COMMD2: variants seen among roughly 807,000 people sequenced by gnomAD.
COMMD2 encodes the protein COMM domain containing 2.
A neutral mutation model predicts 22.5 loss-of-function variants in COMMD2; 25 were observed. The ratio of observed to expected loss-of-function variants is 1.11; its 90% CI spans 0.81 to 1.55. The LOEUF is 1.55. Ranked by LOEUF, COMMD2 falls within the 40% of genes most tolerant of loss-of-function variation. The probability of loss-of-function intolerance (pLI) is 0.00; values close to 1 mark genes in which losing one functional copy is unlikely to be tolerated. For missense variants in COMMD2, 223 were observed against 232.9 expected, an observed-to-expected ratio of 0.96 and a Z score of 0.28; for synonymous variants, 98 against 91.2, an observed-to-expected ratio of 1.07 and a Z score of -0.42.
intron 4 of COMMD2, among the ~76,000 whole-genome samples, chr3:149,748,310 C>T (rs1014795663): frequency 6.6e-6 from 1 of 152,152 alleles, no homozygotes; most frequent in African/African-American, 2.4e-5. Context: ...GATTGCTTCT[C>T]TTTTCTTAGT....
rs1716174199 is a variant in COMMD2 at position 149,740,244 on chromosome 3, G to A, written c.*1277C>T. The A allele has an allele frequency of 6.6e-6, 1 of 152,104 alleles. No homozygotes were observed. Among genetic ancestry groups the A allele is most frequent in the African/African-American group, 2.4e-5 (1 of 41,414 alleles). 9.4% of individuals were successfully genotyped at this position (152,104 alleles called of 1,614,324 possible). On this transcript the variant is annotated 3_prime_UTR_variant, in exon 5 of 5. Transcript: ENST00000473414. Reference sequence around the variant, plus strand: ...GACAAATCAGCACCTGAGTTTTTCAGACCAAAAGCTTTTGGTTCCCTACTA... The same window carrying A: ...GACAAATCAGCACCTGAGTTTTTCAAACCAAAAGCTTTTGGTTCCCTACTA...
intron 4 of COMMD2, among the ~76,000 whole-genome samples, chr3:149,744,124 C>T (rs1310055537): frequency 1.3e-5 from 2 of 152,000 alleles, no homozygotes; most frequent in East Asian, 3.9e-4. Flanking sequence ...GGATGAGATT[C>T]TGTCCTCCTC....
At chr3:149,751,317 A>T in intron 3 of COMMD2, 86 bp downstream of exon 3, 1 of 1,583,860 alleles carries the variant, frequency 6.3e-7, no homozygotes, top group Non-Finnish European at 8.6e-7. Flanking sequence ...TAAAACACAC[A>T]GGTACCTGCC....
intron 4 of COMMD2, among the ~76,000 whole-genome samples, chr3:149,742,920 C>T (rs1224264976): frequency 6.8e-6 from 1 of 148,030 alleles, no homozygotes; most frequent in East Asian, 2.0e-4. Flanking sequence ...GAGCCAAGAT[C>T]GTGCCATTGC....
Position 149,740,280 on chromosome 3 carries a change from C to G in COMMD2, c.*1241G>C, listed in dbSNP as rs1015877824. ...TTTGGTTCCCTACTAAAAAATAAAA[C>G]AAAACATAAATCAAGTTATGTTTTG... On this transcript the variant is annotated 3_prime_UTR_variant, in exon 5 of 5. Coordinates refer to ENST00000473414, the MANE Select transcript of COMMD2 (RefSeq NM_016094.4). The G allele has an allele frequency of 1.3e-5, 2 of 152,116 alleles. No individual in the cohort carries two copies. Among genetic ancestry groups the G allele is most frequent in the Admixed American group, 1.3e-4 (2 of 15,274 alleles). 9.4% of individuals were successfully genotyped at this position (152,116 alleles called of 1,614,324 possible).
At chr3:149,746,913 C>T (rs926683470) in intron 4 of COMMD2, among the ~76,000 whole-genome samples, 9 of 152,168 alleles carry the variant, frequency 5.9e-5, no homozygotes, top group African/African-American at 1.9e-4. Context: ...AGAGAATGAA[C>T]GCCAGATGAA....
At chr3:149,745,880 G>C (rs1468729668) in intron 4 of COMMD2, among the ~76,000 whole-genome samples, 1 of 152,076 alleles carries the variant, frequency 6.6e-6, no homozygotes, top group Non-Finnish European at 1.5e-5. Flanking sequence ...CTTAAATGTT[G>C]CTCTTACTTT....
At position 149,752,402 on chromosome 3, in the gene COMMD2, A is replaced by C; in HGVS notation, c.43T>G (p.Phe15Val). Reference protein sequence around the residue: ...LSEEHKEHLAFLPQVDSAVVA... With the variant: ...LSEEHKEHLAVLPQVDSAVVA... ...CCCGCGCTGTCCACTTGAGGCAGGA[A>C]GGCCAGGTGTTCCTTATGCTCCTCG... is the stretch of plus-strand genomic sequence containing the variant. The change falls in exon 1 of 5, where the codon TTC becomes GTC. Residue 15 changes from phenylalanine (F) to valine (V), a missense_variant. By Grantham distance (50) the Phe-to-Val change is conservative. Transcript: ENST00000473414. 2 of 1,614,158 alleles carry C rather than the reference A, an allele frequency of 1.2e-6. No individual in the cohort carries two copies. The highest frequency in any genetic ancestry group is 1.7e-6 in the Non-Finnish European group (2 of 1,180,004).
chr3:149,743,277 C>T (rs1222428400), intron 4 of COMMD2, among the ~76,000 whole-genome samples: 2 of 152,146 alleles, frequency 1.3e-5, no homozygotes, highest in East Asian at 1.9e-4. Context: ...TCCTTTCAAT[C>T]TTTAGATTCT....
intron 4 of COMMD2, among the ~76,000 whole-genome samples, chr3:149,746,320 G>T (rs1248761347): frequency 6.6e-6 from 1 of 152,144 alleles, no homozygotes; most frequent in African/African-American, 2.4e-5. Context: ...GCAAGGAGAG[G>T]AGTCAAGGAA....
At chr3:149,743,249 CAA>C (rs1369283940) in intron 4 of COMMD2, among the ~76,000 whole-genome samples, 1 of 151,982 alleles carries the variant, frequency 6.6e-6, no homozygotes, top group Non-Finnish European at 1.5e-5. Context: ...AAACTATAAA[CAA>C]TGACCAACTT....
At chr3:149,748,355 G>A (rs1032372159) in intron 4 of COMMD2, among the ~76,000 whole-genome samples, 13 of 152,200 alleles carry the variant, frequency 8.5e-5, no homozygotes, top group African/African-American at 3.1e-4. Flanking sequence ...TAAGCATGTG[G>A]AGCATAGAGA....
At chr3:149,751,273 C>T in intron 3 of COMMD2, 130 bp downstream of exon 3, 1 of 1,429,774 alleles carries the variant, frequency 7.0e-7, no homozygotes, top group Non-Finnish European at 9.4e-7. Flanking sequence ...GGTATGTCTT[C>T]AAAAAATCAA....
Position 149,751,209 on chromosome 3 carries a change from T to C in COMMD2, c.228+194A>G. On this transcript the variant is annotated intron_variant, in intron 3 of 4. Transcript: ENST00000473414. ...ATTAGAGGTACTTCTATACTAGCTATTTATACTAGCAAGAGGTATTCATAT... is the reference window on the plus strand; with the variant it reads ...ATTAGAGGTACTTCTATACTAGCTACTTATACTAGCAAGAGGTATTCATAT... 3 of 764,632 alleles carry C rather than the reference T, an allele frequency of 3.9e-6. No individual in the cohort carries two copies. The South Asian group carries it at 6.1e-5, about 16-fold the overall frequency. 47.4% of individuals were successfully genotyped at this position (764,632 alleles called of 1,614,324 possible). A position where few individuals can be genotyped will look rare whatever the true frequency, so the allele number is the denominator to read the frequency against.
chr3:149,743,733 A>C (rs1343891749), intron 4 of COMMD2, among the ~76,000 whole-genome samples: 1 of 152,198 alleles, frequency 6.6e-6, no homozygotes, highest in Non-Finnish European at 1.5e-5. Context: ...TAGATGACAC[A>C]TATGCAAATT....
rs1167087265 is a variant in COMMD2 at position 149,738,765 on chromosome 3, A to G, written c.*2756T>C. ...ACTGTTATGAATTTTAATGGCTCCT[A>G]CACATGCATCCTTTATATATACCCT... is the stretch of plus-strand genomic sequence containing the variant. On this transcript the variant is annotated 3_prime_UTR_variant, in exon 5 of 5. Coordinates refer to ENST00000473414, the MANE Select transcript of COMMD2 (RefSeq NM_016094.4). 6.6e-6 allele frequency: 1 copy of G among 152,154 alleles called. No homozygotes were observed. The highest frequency in any genetic ancestry group is 1.5e-5 in the Non-Finnish European group (1 of 67,986). The allele number at this position is 152,154 out of a possible 1,614,324, so 9.4% of individuals were successfully genotyped here.
chr3:149,752,406 C>T lies in COMMD2; in HGVS notation c.39G>A (p.Leu13=). 6.2e-7 allele frequency: 1 copy of T among 1,614,156 alleles called. No homozygotes were observed. Among genetic ancestry groups the T allele is most frequent in the Non-Finnish European group, 8.5e-7 (1 of 1,179,998 alleles). Residue 13 remains leucine, a synonymous_variant, in exon 1 of 5, where the codon CTG becomes CTA. Transcript: ENST00000473414. Reference sequence around the variant, plus strand: ...CGCTGTCCACTTGAGGCAGGAAGGCCAGGTGTTCCTTATGCTCCTCGGACA... The same window carrying T: ...CGCTGTCCACTTGAGGCAGGAAGGCTAGGTGTTCCTTATGCTCCTCGGACA... ...LELSEEHKEH[L]AFLPQVDSAV...
At position 149,747,894 on chromosome 3, in the gene COMMD2, G is replaced by T. The variant is rs745322703; in HGVS notation, c.402+2784C>A. ...ACCCGGGAGGCGGAGCTTGCAGTAA[G>T]CTGAGATCGCGCCACTGCACTCCAG... On this transcript the variant is annotated intron_variant, in intron 4 of 4. Transcript: ENST00000473414. Among the ~76,000 whole-genome samples, 9 of 138,720 alleles carry T rather than the reference G, an allele frequency of 6.5e-5. No individual in the cohort carries two copies. In the South Asian group the frequency reaches 2.0e-3, roughly 31 times the overall value. 91.0% of individuals were successfully genotyped at this position (138,720 alleles called of 152,430 possible). A position where few individuals can be genotyped will look rare whatever the true frequency, so the allele number is the denominator to read the frequency against.
At chr3:149,751,509 G>A in intron 2 of COMMD2, 24 bp from the exon 3 acceptor site, 1 of 1,557,936 alleles carries the variant, frequency 6.4e-7, no homozygotes. Flanking sequence ...GTAAAAACGA[G>A]CAAATAAATT....
Sources: allele counts gnomAD v4.1 joint callset (sites outside exome capture counted in the v4.1 genomes callset), GRCh38; gene constraint gnomAD v4.1.1; transcripts MANE v1.5; gene names NCBI Gene and HGNC (gene_info 2026-07-23, HGNC 2026-07-21).